The following JSRP1 variants were observed in gnomAD, a reference collection of about 807,000 sequenced individuals.
The protein encoded by JSRP1 is 2310032K21Rik.
In JSRP1, 29 loss-of-function variants were observed where a neutral mutation model predicts 21.4. The ratio of observed to expected loss-of-function variants is 1.36; its 90% CI spans 1.01 to 1.85. JSRP1 has a LOEUF of 1.85. JSRP1 is among the 40% of genes most tolerant of loss of function. The pLI, the probability that JSRP1 is intolerant of heterozygous loss-of-function variation, is 0.00. For synonymous variants in JSRP1, 221 were observed against 206.1 expected (o/e 1.07, Z -0.62); for missense variants, 531 against 461.5 (o/e 1.15, Z -1.38).
chr19:2,254,348 C>G, intron 3 of JSRP1, 47 bp from the exon 4 acceptor site: 1 of 1,599,560 alleles, frequency 6.3e-7, no homozygotes, highest in Non-Finnish European at 8.6e-7. Flanking sequence ...CAGTGCCAAA[C>G]CCTTCCCGTG....
intron 3 of JSRP1, 28 bp downstream of exon 3, chr19:2,254,417 T>G: frequency 6.2e-7 from 1 of 1,612,692 alleles, no homozygotes; most frequent in Non-Finnish European, 8.5e-7. Context: ...GCGTCCTGGG[T>G]TAAAGGCTGA....
chr19:2,252,714 C>T lies in JSRP1; in HGVS notation c.611G>A (p.Ser204Asn). 6.2e-7 allele frequency: 1 copy of T among 1,612,548 alleles called. No individual in the cohort carries two copies. The highest frequency in any genetic ancestry group is 8.5e-7 in the Non-Finnish European group (1 of 1,179,950). Residue 204 changes from serine to asparagine, a missense_variant, in exon 7 of 7, where the codon AGT becomes AAT. Ser to Asn is a conservative substitution (Grantham distance 46, BLOSUM62 1). Coordinates refer to ENST00000300961, the MANE Select transcript of JSRP1 (RefSeq NM_144616.4). ...EAEVRPKIPG[S>N]REAAENDEEE... ...TTCGTCGTTCTCTGCAGCCTCCCGA[C>T]TCCCGGGAATCTTGGGTCTGACCTC...
Position 2,255,189 on chromosome 19 carries a change from C to CACAAGGGTACCTGA in JSRP1, c.109+16_109+17insTCAGGTACCCTTGT, listed in dbSNP as rs767167866. 37 of 1,560,852 alleles carry CACAAGGGTACCTGA rather than the reference C, an allele frequency of 2.4e-5. No homozygotes were observed. The East Asian group carries it at 6.4e-4, about 27-fold the overall frequency. ...CCATCAGGGAAGGGCTTCCTCCCGC[C>CACAAGGGTACCTGA]AGCGCCACAAGGGTACCTGAAGCCC... On this transcript the variant is annotated intron_variant, in intron 2 of 6. Coordinates refer to ENST00000300961, the MANE Select transcript of JSRP1 (RefSeq NM_144616.4).
intron 4 of JSRP1, 130 bp from the exon 5 acceptor site, chr19:2,253,923 G>T (rs2145038210): frequency 9.0e-7 from 1 of 1,115,564 alleles, no homozygotes; most frequent in Non-Finnish European, 1.2e-6. Context: ...GGCCCCGGGC[G>T]CAGGTGAACC....
In JSRP1 at chr19:2,253,082, G is replaced by GC. The variant is rs1001305338; in HGVS notation, c.437-80dup. 1.4e-5 allele frequency: 14 copies of GC among 1,016,110 alleles called. No homozygotes were observed. In the East Asian group the frequency reaches 2.9e-4, roughly 21 times the overall value. 62.9% of individuals were successfully genotyped at this position (1,016,110 alleles called of 1,614,324 possible). A position where few individuals can be genotyped will look rare whatever the true frequency, so the allele number is the denominator to read the frequency against. On this transcript the variant is annotated intron_variant, in intron 5 of 6. Coordinates refer to ENST00000300961, the MANE Select transcript of JSRP1 (RefSeq NM_144616.4). ...TGTCCATCCCTCCCTCACCCCTAGA[G>GC]CCCCCCTCCCTGGACAGTTGGAGTG...
Position 2,252,731 on chromosome 19 carries a change from T to A in JSRP1, c.594A>T (p.Arg198Ser), listed in dbSNP as rs1169819951. The A allele has an allele frequency of 2.5e-6, 4 of 1,612,418 alleles. No individual in the cohort carries two copies. Among genetic ancestry groups the A allele is most frequent in the African/African-American group, 1.3e-5 (1 of 74,896 alleles). The change falls in exon 7 of 7, where the codon AGA (arginine) becomes AGT (serine). Residue 198 changes from arginine (R) to serine (S), a missense_variant. Transcript: ENST00000300961. The stretch of plus-strand genomic sequence containing the variant: ...CCTCCCGACTCCCGGGAATCTTGGG[T>A]CTGACCTCTGCCTCGGCCCGGGGCG... The part of the protein sequence containing the change: ...PPAPRAEAEV[R>S]PKIPGSREAA...
At position 2,254,465 on chromosome 19, in the gene JSRP1, C is replaced by A. The variant is rs145090606; in HGVS notation, c.127G>T (p.Asp43Tyr). Residue 43 changes from aspartate (D) to tyrosine (Y), a missense_variant, in exon 3 of 7, where the codon GAC becomes TAC. Transcript: ENST00000300961. The stretch of plus-strand genomic sequence containing the variant: ...CTCACGTGGGGCACGCTGCCGGAGT[C>A]GGCCAGCCTGGGTGTCGCTGTGGGA... The part of the protein sequence containing the change: ...DRASATPRLA[D>Y]SGSVPHDSQV... The A allele has an allele frequency of 2.5e-6, 4 of 1,612,846 alleles. No homozygotes were observed. The highest frequency in any genetic ancestry group is 3.4e-6 in the Non-Finnish European group (4 of 1,179,962).
At position 2,252,939 on chromosome 19, in the gene JSRP1, T is replaced by G. The variant is rs1343459731; in HGVS notation, c.501A>C (p.Ser167=). The change falls in exon 6 of 7, where the codon TCA becomes TCC. Residue 167 remains serine (S), a synonymous_variant. Transcript: ENST00000300961. ...RVPEPWVPPS[S]APREPSSPLP... is the part of the protein sequence containing the mutation. ...GGGGCGACGATGGCTCCCTCGGGGC[T>G]GAGCTTGGCGGGACCCAGGGCTCGG... 5.0e-6 allele frequency: 8 copies of G among 1,610,368 alleles called. No homozygotes were observed. Among genetic ancestry groups the G allele is most frequent in the African/African-American group, 1.3e-5 (1 of 74,916 alleles).
chr19:2,255,626 C>A (rs2025136052), intron 1 of JSRP1, among the ~76,000 whole-genome samples: 1 of 152,254 alleles, frequency 6.6e-6, no homozygotes, highest in Non-Finnish European at 1.5e-5. Context: ...AGGGCGGGAG[C>A]CCCTGCAGGA....
chr19:2,253,081 A>C lies in JSRP1; in HGVS notation c.437-78T>G, dbSNP rs760290980. On this transcript the variant is annotated intron_variant, in intron 5 of 6. Transcript: ENST00000300961. ...CTGTCCATCCCTCCCTCACCCCTAG[A>C]GCCCCCCTCCCTGGACAGTTGGAGT... 3 of 1,016,626 alleles carry C rather than the reference A, an allele frequency of 3.0e-6. No individual in the cohort carries two copies. The African/African-American group carries it at 4.7e-5, about 16-fold the overall frequency. 63.0% of individuals were successfully genotyped at this position (1,016,626 alleles called of 1,614,324 possible). A position where few individuals can be genotyped will look rare whatever the true frequency, so the allele number is the denominator to read the frequency against.
Position 2,254,295 on chromosome 19 carries a change from G to A in JSRP1, c.154C>T (p.Gln52Ter), listed in dbSNP as rs2025116450. ...TCCACACTGGGGCCTTCAGCCACCT[G>A]AGAGTCCTGTGGTTATCACGAGACA... is the stretch of plus-strand genomic sequence containing the variant. ...ADSGSVPHDS[Q>*]VAEGPSVDTR... The change falls in exon 4 of 7, where the codon CAG (glutamine) becomes TAG (stop). Residue 52 changes from glutamine (Q) to a stop codon, truncating the protein, a stop_gained. Coordinates refer to ENST00000300961, the MANE Select transcript of JSRP1 (RefSeq NM_144616.4). LOFTEE classifies it high-confidence loss of function. The A allele has an allele frequency of 1.3e-6, 2 of 1,599,654 alleles. No individual in the cohort carries two copies. Among genetic ancestry groups the A allele is most frequent in the Non-Finnish European group, 1.7e-6 (2 of 1,170,708 alleles).
In JSRP1 at chr19:2,252,326, G is replaced by T; in HGVS notation, c.*3C>A. 6.8e-7 allele frequency: 1 copy of T among 1,462,024 alleles called. No homozygotes were observed. The highest frequency in any genetic ancestry group is 9.0e-7 in the Non-Finnish European group (1 of 1,113,118). 90.6% of individuals were successfully genotyped at this position (1,462,024 alleles called of 1,614,324 possible). On this transcript the variant is annotated 3_prime_UTR_variant, in exon 7 of 7. Coordinates refer to ENST00000300961, the MANE Select transcript of JSRP1 (RefSeq NM_144616.4). Reference sequence around the variant, plus strand: ...GGCCCCTGGACTCCGGCGCGGGGCCGGCTCAGTCCCGCCCCTTGCCTGCGC... The same window carrying T: ...GGCCCCTGGACTCCGGCGCGGGGCCTGCTCAGTCCCGCCCCTTGCCTGCGC...
chr19:2,255,182 C>T (rs766781190), intron 2 of JSRP1, 24 bp downstream of exon 2: 44 of 1,533,712 alleles, frequency 2.9e-5, no homozygotes, highest in Non-Finnish European at 3.8e-5. Flanking sequence ...GAAGGGCTTC[C>T]TCCCGCCAGC....
chr19:2,253,011 G>A lies in JSRP1; in HGVS notation c.437-8C>T. On this transcript the variant is annotated splice_region_variant and splice_polypyrimidine_tract_variant and intron_variant, in intron 5 of 6. Transcript: ENST00000300961. ...CCTCCCCAGGGACGGCGTCTGCAGC[G>A]ACAGGGTCGGGACCCGAGTCAGCTG... is the stretch of plus-strand genomic sequence containing the variant. The A allele has an allele frequency of 6.3e-7, 1 of 1,589,820 alleles. No homozygotes were observed. The highest frequency in any genetic ancestry group is 8.6e-7 in the Non-Finnish European group (1 of 1,167,460).
chr19:2,255,210 A>G lies in JSRP1; in HGVS notation c.105T>C (p.Ala35=), dbSNP rs747159125. The change falls in exon 2 of 7, where the codon GCT becomes GCC. Residue 35 remains alanine (A), a synonymous_variant. Coordinates refer to ENST00000300961, the MANE Select transcript of JSRP1 (RefSeq NM_144616.4). ...SALAETQEDR[A]SATPRLADSG... ...CCGCCAGCGCCACAAGGGTACCTGA[A>G]GCCCTGTCCTCCTGGGTCTCGGCCA... 7.5e-6 allele frequency: 12 copies of G among 1,591,402 alleles called. No homozygotes were observed. The South Asian group carries it at 1.2e-4, about 16-fold the overall frequency.
At chr19:2,253,475 A>G in intron 5 of JSRP1, 145 bp downstream of exon 5, 1 of 805,490 alleles carries the variant, frequency 1.2e-6, no homozygotes. Context: ...GGGGAGATGC[A>G]CAAACCAACT....
chr19:2,254,448 G>A lies in JSRP1; in HGVS notation c.144C>T (p.Pro48=), dbSNP rs775914552. ...GCTGAGGGTCCCAGCTACTCACGTG[G>A]GGCACGCTGCCGGAGTCGGCCAGCC... ...TPRLADSGSV[P]HDSQVAEGPS... The change falls in exon 3 of 7, where the codon CCC becomes CCT. Residue 48 remains proline (P), a synonymous_variant. Transcript: ENST00000300961. 2.5e-6 allele frequency: 4 copies of A among 1,612,858 alleles called. No homozygotes were observed. The highest frequency in any genetic ancestry group is 3.4e-6 in the Non-Finnish European group (4 of 1,179,956).
rs776517784 is a variant in JSRP1 at position 2,254,223 on chromosome 19, G to A, written c.226C>T (p.Pro76Ser). The change falls in exon 4 of 7, where the codon CCA becomes TCA. Residue 76 changes from proline (P) to serine (S), a missense_variant. Physicochemically the swap from Pro to Ser is moderately conservative, Grantham distance 74 (BLOSUM62 -1). Transcript: ENST00000300961. ...TTCAGCCTCTCCTTCCCCGTTCCTG[G>A]GGTCCCCCTGGCGGCAGGCTCTTTT... ...MEKEPAARGT[P>S]GTGKERLKAG... is the part of the protein sequence containing the mutation. 6.2e-7 allele frequency: 1 copy of A among 1,606,088 alleles called. No individual in the cohort carries two copies. Among genetic ancestry groups the A allele is most frequent in the Non-Finnish European group, 8.5e-7 (1 of 1,176,588 alleles).
Position 2,255,290 on chromosome 19 carries a change from C to T in JSRP1, c.25G>A (p.Glu9Lys), listed in dbSNP as rs1599143841. The change falls in exon 2 of 7, where the codon GAG (glutamate) becomes AAG (lysine). Residue 9 changes from glutamate (E) to lysine (K), a missense_variant. By Grantham distance (56) the Glu-to-Lys change is moderately conservative. Transcript: ENST00000300961. Reference protein sequence around the residue: MSMTTRAWEELDGGLGSCQ... With the variant: MSMTTRAWKELDGGLGSCQ... ...CTGCCCAGGCCGCCATCCAGCTCCTCCCAGGCTCTGGTTGTCATGGACATG... is the reference window on the plus strand; with the variant it reads ...CTGCCCAGGCCGCCATCCAGCTCCTTCCAGGCTCTGGTTGTCATGGACATG... The T allele has an allele frequency of 6.2e-7, 1 of 1,611,034 alleles. No homozygotes were observed. Among genetic ancestry groups the T allele is most frequent in the Non-Finnish European group, 8.5e-7 (1 of 1,178,836 alleles).
Sources: allele counts gnomAD v4.1 joint callset (sites outside exome capture counted in the v4.1 genomes callset), GRCh38; gene constraint gnomAD v4.1.1; transcripts MANE v1.5; gene names NCBI Gene and HGNC (gene_info 2026-07-23, HGNC 2026-07-21).